KDM4A: variants seen among roughly 807,000 people sequenced by gnomAD.
KDM4A encodes lysine-specific demethylase 4A.
KDM4A carries 23 observed loss-of-function variants against 127.1 expected under a neutral mutation model. The observed-to-expected ratio is 0.18, with a 90% CI of 0.13 to 0.26. KDM4A has a LOEUF of 0.26. KDM4A is among the 10% of genes least tolerant of loss of function. The pLI, the probability that KDM4A is intolerant of heterozygous loss-of-function variation, is 1.00. For missense variants in KDM4A, 890 were observed against 1,329.1 expected (o/e 0.67, Z 5.14); for synonymous variants, 443 against 466.5 (o/e 0.95, Z 0.65).
intron 5 of KDM4A, among the ~76,000 whole-genome samples, chr1:43,663,538 T>C (rs6658300): frequency 0.7 from 106,938 of 152,028 alleles, 37,926 homozygotes; most frequent in East Asian, 0.81. Context: ...GCATGCTTCC[T>C]GTTCTCCAGA....
At chr1:43,669,932 C>G (rs1660581318) in intron 10 of KDM4A, among the ~76,000 whole-genome samples, 1 of 152,156 alleles carries the variant, frequency 6.6e-6, no homozygotes, top group Non-Finnish European at 1.5e-5. Context: ...AGTGGGATTA[C>G]AGGCGTGAGC....
intron 14 of KDM4A, among the ~76,000 whole-genome samples, chr1:43,691,252 G>T (rs1661102683): frequency 6.6e-6 from 1 of 152,202 alleles, no homozygotes; most frequent in Non-Finnish European, 1.5e-5. Flanking sequence ...GTTGCAGATA[G>T]CAGAAAGGGA....
At chr1:43,651,852 A>T (rs1660121027) in intron 1 of KDM4A, among the ~76,000 whole-genome samples, 1 of 152,210 alleles carries the variant, frequency 6.6e-6, no homozygotes, top group Non-Finnish European at 1.5e-5. Context: ...CCAATCAGTT[A>T]TGAAGTTTTC....
chr1:43,690,581 A>G, intron 13 of KDM4A: 1 of 521,124 alleles, frequency 1.9e-6, no homozygotes, highest in East Asian at 3.4e-5. Flanking sequence ...TTTCTTTGGG[A>G]AGATTGAAAT....
At chr1:43,703,892 GAAGT>G in intron 20 of KDM4A, 124 bp from the exon 21 acceptor site, 5 of 1,302,288 alleles carry the variant, frequency 3.8e-6, no homozygotes. Flanking sequence ...TGCCAAATGT[GAAGT>G]AAGGTAGTTG....
chr1:43,673,639 C>T (rs1660676633), intron 11 of KDM4A, among the ~76,000 whole-genome samples: 1 of 152,128 alleles, frequency 6.6e-6, no homozygotes, highest in African/African-American at 2.4e-5. Flanking sequence ...GGCTAATGAG[C>T]TAATAACTAC....
At chr1:43,671,925 C>G in intron 11 of KDM4A, 50 bp downstream of exon 11, 1 of 1,501,902 alleles carries the variant, frequency 6.7e-7, no homozygotes, top group Non-Finnish European at 8.9e-7. Flanking sequence ...CTGGAGGACA[C>G]CCTGTCGGGA....
chr1:43,682,232 C>T (rs955614289), intron 11 of KDM4A, among the ~76,000 whole-genome samples: 1 of 152,208 alleles, frequency 6.6e-6, no homozygotes, highest in African/African-American at 2.4e-5. Context: ...GCGTGAGCCA[C>T]TGTGCCTGGC....
At chr1:43,679,971 C>T (rs1460328988) in intron 11 of KDM4A, among the ~76,000 whole-genome samples, 2 of 152,124 alleles carry the variant, frequency 1.3e-5, no homozygotes, top group African/African-American at 4.8e-5. Flanking sequence ...TTATTACTAC[C>T]GTTTTACTGG....
At chr1:43,695,587 C>CT in intron 18 of KDM4A, among the ~76,000 whole-genome samples, 1 of 152,336 alleles carries the variant, frequency 6.6e-6, no homozygotes, top group South Asian at 2.1e-4. Context: ...TCTCAGGACT[C>CT]TGACCTGTCT....
rs1331554097 is a variant in KDM4A, at chr1:43,670,403, A to AT, written c.1364-1095dup. On this transcript the variant is annotated intron_variant, in intron 10 of 21. Transcript: ENST00000372396. ...GTGCATATTTGTCTTGTACAACATAATTTTTTTGTTTGTTTTAGAAACGGG... is the reference window on the plus strand; with the variant it reads ...GTGCATATTTGTCTTGTACAACATAATTTTTTTTGTTTGTTTTAGAAACGGG... Among the ~76,000 whole-genome samples the AT allele has an allele frequency of 2.8e-4, 42 of 152,058 alleles. 1 individual carries two copies. Among genetic ancestry groups the AT allele is most frequent in the Non-Finnish European group, 1.2e-4 (8 of 67,984 alleles).
At position 43,691,034 on chromosome 1, in the gene KDM4A, G is replaced by A. The variant is rs144765200; in HGVS notation, c.2227G>A (p.Val743Ile). 2.2e-5 allele frequency: 35 copies of A among 1,613,964 alleles called. No homozygotes were observed. The highest frequency in any genetic ancestry group is 8.3e-5 in the Admixed American group (5 of 60,008). The change falls in exon 14 of 22, where the codon GTC (valine) becomes ATC (isoleucine). Residue 743 changes from valine to isoleucine, a missense_variant. Transcript: ENST00000372396. ...SILVSCKKCS[V>I]RVHASCYGVP... The stretch of plus-strand genomic sequence containing the variant: ...ACTCGTTTCCTGCAAGAAGTGCAGC[G>A]TCCGGGTCCATGCCAGTGAGTGCTG...
chr1:43,685,044 T>C (rs1278490442), intron 12 of KDM4A, among the ~76,000 whole-genome samples: 1 of 151,586 alleles, frequency 6.6e-6, no homozygotes, highest in African/African-American at 2.4e-5. Context: ...GACTTAGGAG[T>C]TGGCACTGAG....
intron 11 of KDM4A, among the ~76,000 whole-genome samples, chr1:43,679,682 T>A (rs1436748145): frequency 1.6e-4 from 25 of 152,330 alleles, no homozygotes; most frequent in Admixed American, 1.6e-3. Context: ...GAGTTTTCAT[T>A]ACCTACTGAC....
intron 11 of KDM4A, among the ~76,000 whole-genome samples, chr1:43,677,872 A>G (rs1295922199): frequency 1.3e-5 from 2 of 152,204 alleles, no homozygotes; most frequent in African/African-American, 2.4e-5. Context: ...AAGGAGGAAA[A>G]AAGATTTGAA....
chr1:43,667,655 A>G, intron 8 of KDM4A, 117 bp from the exon 9 acceptor site: 1 of 1,359,460 alleles, frequency 7.4e-7, no homozygotes, highest in Non-Finnish European at 1.0e-6. Context: ...AACCAAAACA[A>G]TCTGGTTATA....
intron 10 of KDM4A, 140 bp downstream of exon 10, chr1:43,669,439 A>C: frequency 1.2e-6 from 1 of 860,546 alleles, no homozygotes; most frequent in South Asian, 1.5e-5. Context: ...GAGTGTGAGA[A>C]GTGCTTTGGG....
chr1:43,690,894 C>G lies in KDM4A; in HGVS notation c.2087C>G (p.Ala696Gly). 1 of 1,614,146 alleles carries G rather than the reference C, an allele frequency of 6.2e-7. No homozygotes were observed. Among genetic ancestry groups the G allele is most frequent in the South Asian group, 1.1e-5 (1 of 91,074 alleles). The change falls in exon 14 of 22, where the codon GCC becomes GGC. Residue 696 changes from alanine to glycine, a missense_variant. Ala to Gly is a moderately conservative substitution (Grantham distance 60). Coordinates refer to ENST00000372396, the MANE Select transcript of KDM4A (RefSeq NM_014663.3). ...AACTGTGGAAATGCTTCAGATTTAGCCCCCCAGAAGCAGAGGACCAAGCCA... is the reference window on the plus strand; with the variant it reads ...AACTGTGGAAATGCTTCAGATTTAGGCCCCCAGAAGCAGAGGACCAAGCCA... ...NQNCGNASDL[A>G]PQKQRTKPLI...
At chr1:43,670,256 G>A (rs1216540325) in intron 10 of KDM4A, among the ~76,000 whole-genome samples, 1 of 152,170 alleles carries the variant, frequency 6.6e-6, no homozygotes, top group Non-Finnish European at 1.5e-5. Context: ...CCAAAGATGT[G>A]GTCTGCCGAC....
Sources: allele counts gnomAD v4.1 joint callset (sites outside exome capture counted in the v4.1 genomes callset), GRCh38; gene constraint gnomAD v4.1.1; transcripts MANE v1.5; gene names NCBI Gene and HGNC (gene_info 2026-07-23, HGNC 2026-07-21).